CAMTA1: variants seen among roughly 807,000 people sequenced by gnomAD.
CAMTA1 encodes calmodulin binding transcription activator 1.
CAMTA1 carries 27 observed loss-of-function variants against 170.9 expected under a neutral mutation model. The ratio of observed to expected loss-of-function variants is 0.16; its 90% CI spans 0.12 to 0.22. CAMTA1 has a LOEUF of 0.22. Ranked by LOEUF, CAMTA1 falls within the 10% of genes least tolerant of loss-of-function variation. The pLI, the probability that CAMTA1 is intolerant of heterozygous loss-of-function variation, is 1.00. For synonymous variants in CAMTA1, 833 were observed against 891.5 expected (o/e 0.93, Z 1.17); for missense variants, 1,619 against 2,217.2 (o/e 0.73, Z 5.42).
intron 4 of CAMTA1, among the ~76,000 whole-genome samples, chr1:7,174,788 G>A (rs1558204632): frequency 6.6e-6 from 1 of 152,168 alleles, no homozygotes; most frequent in Admixed American, 6.5e-5. Context: ...AGGAGAAGCT[G>A]GGCATCATTG....
chr1:6,797,890 A>G (rs1305054977), intron 1 of CAMTA1, among the ~76,000 whole-genome samples: 2 of 152,108 alleles, frequency 1.3e-5, no homozygotes, highest in African/African-American at 2.4e-5. Flanking sequence ...TAAACATTGA[A>G]GATGACTTAA....
chr1:6,803,785 G>T (rs1332023084), intron 1 of CAMTA1, among the ~76,000 whole-genome samples: 1 of 152,170 alleles, frequency 6.6e-6, no homozygotes, highest in Admixed American at 6.5e-5. Flanking sequence ...TGTGATCGTA[G>T]CTCACTGGCA....
rs574581019 is a variant in CAMTA1 at position 7,678,188 on chromosome 1, C to T, written c.2914+455C>T. ...GCCCCAAGCCTCTCGAGAAAGAGGA[C>T]GGGGAGGCAGCTCAGGCCTGGGCTT... On this transcript the variant is annotated intron_variant, in intron 11 of 22. Coordinates refer to ENST00000303635, the MANE Select transcript of CAMTA1 (RefSeq NM_015215.4). Among the ~76,000 whole-genome samples the T allele has an allele frequency of 1.5e-4, 23 of 152,348 alleles. 1 individual carries two copies. The South Asian group carries it at 3.5e-3, about 23-fold the overall frequency.
At chr1:6,893,736 C>G (rs1160363582) in intron 3 of CAMTA1, among the ~76,000 whole-genome samples, 1 of 152,126 alleles carries the variant, frequency 6.6e-6, no homozygotes, top group Non-Finnish European at 1.5e-5. Flanking sequence ...ACCCATAATC[C>G]TTGCTTTTGT....
At chr1:7,135,176 C>T (rs1645473438) in intron 4 of CAMTA1, among the ~76,000 whole-genome samples, 1 of 152,138 alleles carries the variant, frequency 6.6e-6, no homozygotes, top group South Asian at 2.1e-4. Context: ...CACCTGAGGT[C>T]AGGAGTTTGA....
rs1430052962 is a variant in CAMTA1 at position 6,887,010 on chromosome 1, A to C, written c.234+61800A>C. 1.3e-5 allele frequency among the ~76,000 whole-genome samples: 2 copies of C among 152,174 alleles called. No homozygotes were observed. The highest frequency in any genetic ancestry group is 4.8e-5 in the African/African-American group (2 of 41,424). ...AACTGGCCCAGGAAGTAACAATGGGAAGTGCTGGAAATGGAATTTAAGAAG... is the reference window on the plus strand; with the variant it reads ...AACTGGCCCAGGAAGTAACAATGGGCAGTGCTGGAAATGGAATTTAAGAAG... On this transcript the variant is annotated intron_variant, in intron 3 of 22. Coordinates refer to ENST00000303635, the MANE Select transcript of CAMTA1 (RefSeq NM_015215.4). This position sits in a 1 kb window ranked among gnomAD's most constrained non-coding sequence, Gnocchi z 4.1.
At chr1:7,591,700 C>T (rs1203530205) in intron 6 of CAMTA1, among the ~76,000 whole-genome samples, 1 of 152,322 alleles carries the variant, frequency 6.6e-6, no homozygotes, top group African/African-American at 2.4e-5. Context: ...GCGCCCTGCA[C>T]TGTTTGGTTC....
chr1:7,394,824 TG>T (rs1557645901), intron 5 of CAMTA1, among the ~76,000 whole-genome samples: 2 of 151,008 alleles, frequency 1.3e-5, no homozygotes, highest in African/African-American at 4.9e-5. Context: ...TGTGTGTGTG[TG>T]TGTGTGTGTG....
chr1:7,330,262 C>T (rs1400471686), intron 5 of CAMTA1, among the ~76,000 whole-genome samples: 1 of 152,148 alleles, frequency 6.6e-6, no homozygotes, highest in Admixed American at 6.5e-5. Flanking sequence ...AACAGAGGGT[C>T]CAAGACACCA....
At chr1:7,204,605 A>G (rs1401072692) in intron 4 of CAMTA1, among the ~76,000 whole-genome samples, 1 of 151,924 alleles carries the variant, frequency 6.6e-6, no homozygotes, top group African/African-American at 2.4e-5. Context: ...TGTTTCATGT[A>G]CCCTTAAGAA....
intron 3 of CAMTA1, among the ~76,000 whole-genome samples, chr1:6,907,414 T>C (rs1678764319): frequency 6.6e-6 from 1 of 152,078 alleles, no homozygotes; most frequent in South Asian, 2.1e-4. Context: ...GCAGGGTGCA[T>C]GCAGAGGTTT....
intron 11 of CAMTA1, among the ~76,000 whole-genome samples, chr1:7,683,871 G>A (rs1290723368): frequency 6.6e-6 from 1 of 152,228 alleles, no homozygotes; most frequent in Admixed American, 6.5e-5. Flanking sequence ...ACCGCAGTGG[G>A]TGGGAGTCGC....
intron 6 of CAMTA1, among the ~76,000 whole-genome samples, chr1:7,529,397 C>G (rs35960294): frequency 0.099 from 15,000 of 152,168 alleles, 971 homozygotes; most frequent in South Asian, 0.14. Context: ...CCAGTAATGA[C>G]GCATACCTCC....
chr1:7,238,345 C>T (rs1664266218), intron 4 of CAMTA1, among the ~76,000 whole-genome samples: 1 of 152,054 alleles, frequency 6.6e-6, no homozygotes, highest in East Asian at 1.9e-4. Flanking sequence ...GCTTACTAGT[C>T]CTCTGACCTT....
chr1:7,703,442 C>T (rs1241838181), intron 11 of CAMTA1, among the ~76,000 whole-genome samples: 1 of 152,148 alleles, frequency 6.6e-6, no homozygotes, highest in Non-Finnish European at 1.5e-5. Context: ...TGGCAGCCCC[C>T]AAGGGAAGCC....
intron 4 of CAMTA1, among the ~76,000 whole-genome samples, chr1:7,143,342 T>G (rs1645996263): frequency 6.6e-6 from 1 of 152,220 alleles, no homozygotes; most frequent in South Asian, 2.1e-4. Context: ...CCTCAAGTAT[T>G]AGTCACTGCA....
intron 6 of CAMTA1, among the ~76,000 whole-genome samples, chr1:7,500,609 TAGC>T (rs1334938148): frequency 2.6e-5 from 4 of 152,124 alleles, no homozygotes; most frequent in African/African-American, 9.7e-5. Flanking sequence ...CCCGCTTCTG[TAGC>T]AGCAGCAGCC....
intron 3 of CAMTA1, among the ~76,000 whole-genome samples, chr1:6,841,581 T>C (rs1655725824): frequency 6.6e-6 from 1 of 152,036 alleles, no homozygotes; most frequent in Non-Finnish European, 1.5e-5. Flanking sequence ...GGTGGCAGTT[T>C]TGCTTTGAAG....
In CAMTA1 at chr1:7,435,111, C is replaced by G. The variant is rs1234487238; in HGVS notation, c.439-32719C>G. On this transcript the variant is annotated intron_variant, in intron 5 of 22. Coordinates refer to ENST00000303635, the MANE Select transcript of CAMTA1 (RefSeq NM_015215.4). The surrounding 1 kb of genome is among the most constrained non-coding windows in gnomAD (Gnocchi z 4.4). ...ATGCTAGCTGAATGCTGCCTGAAGC[C>G]TTTTTTATAAGGGCCTGAATCCCAT... Among the ~76,000 whole-genome samples, 1 of 152,074 alleles carries G rather than the reference C, an allele frequency of 6.6e-6. No homozygotes were observed. The highest frequency in any genetic ancestry group is 1.9e-4 in the East Asian group (1 of 5,182).
Sources: allele counts gnomAD v4.1 joint callset (sites outside exome capture counted in the v4.1 genomes callset), GRCh38; gene constraint gnomAD v4.1.1; non-coding constraint Gnocchi (gnomAD v3.1); transcripts MANE v1.5; gene names NCBI Gene and HGNC (gene_info 2026-07-23, HGNC 2026-07-21).